The following ADGRF5 variants were observed in gnomAD, a reference collection of about 807,000 sequenced individuals.
The protein encoded by ADGRF5 is G-protein coupled receptor 116.
A neutral mutation model predicts 132.3 loss-of-function variants in ADGRF5; 75 were observed. That is an observed-to-expected ratio of 0.57 (90% CI 0.47 to 0.69). ADGRF5 has a LOEUF of 0.69. ADGRF5 is among the 30% of genes least tolerant of loss of function. The pLI is 0.00. For missense variants in ADGRF5, 1,516 were observed against 1,630.6 expected (o/e 0.93, Z 1.21); for synonymous variants, 629 against 597.6 (o/e 1.05, Z -0.77).
intron 3 of ADGRF5, among the ~76,000 whole-genome samples, chr6:46,891,950 G>A (rs1773688316): frequency 6.6e-6 from 1 of 152,112 alleles, no homozygotes; most frequent in Admixed American, 6.5e-5. Context: ...CCCTCAGCCT[G>A]AGCGTCACCT....
At chr6:46,916,983 C>T (rs1199716040) in intron 1 of ADGRF5, among the ~76,000 whole-genome samples, 1 of 152,218 alleles carries the variant, frequency 6.6e-6, no homozygotes, top group African/African-American at 2.4e-5. Context: ...TTTCTCCTTT[C>T]TGAGCTTTAC....
intron 14 of ADGRF5, chr6:46,863,302 A>C (rs1770009723): frequency 1.5e-6 from 1 of 666,404 alleles, no homozygotes; most frequent in African/African-American, 1.8e-5. Flanking sequence ...GACTTCTGTA[A>C]TCGGAACTTC....
intron 3 of ADGRF5, among the ~76,000 whole-genome samples, chr6:46,896,260 G>T (rs940514088): frequency 5.9e-5 from 9 of 152,162 alleles, no homozygotes; most frequent in African/African-American, 2.2e-4. Flanking sequence ...GACATGACTC[G>T]GGATCTTTCC....
At chr6:46,857,873 A>C (rs73736671) in intron 17 of ADGRF5, among the ~76,000 whole-genome samples, 5,413 of 152,330 alleles carry the variant, frequency 0.036, 98 homozygotes, top group Middle Eastern at 0.044. Flanking sequence ...TCCTTTTACT[A>C]GTGTAATCAG....
Position 46,856,881 on chromosome 6 carries a change from G to A in ADGRF5, c.3802C>T (p.Leu1268Phe), listed in dbSNP as rs1205649436. 1 of 1,609,720 alleles carries A rather than the reference G, an allele frequency of 6.2e-7. No homozygotes were observed. Among genetic ancestry groups the A allele is most frequent in the Non-Finnish European group, 8.5e-7 (1 of 1,177,964 alleles). The change falls in exon 18 of 21, where the codon CTC becomes TTC. Residue 1268 changes from leucine to phenylalanine, a missense_variant. By Grantham distance (22) the Leu-to-Phe change is conservative. Transcript: ENST00000283296. ...QGLFILLFGC[L>F]WDLKVQEALL... ...ATTGCTCTTACCTTCAGATCCCAGA[G>A]GCATCCAAAGAGTAAAATGAATAAT... is the stretch of plus-strand genomic sequence containing the variant.
intron 1 of ADGRF5, among the ~76,000 whole-genome samples, chr6:46,942,926 T>C (rs1234821184): frequency 1.3e-5 from 2 of 152,078 alleles, no homozygotes; most frequent in Non-Finnish European, 2.9e-5. Context: ...TTTGAGTTAT[T>C]GGGTTTAAAA....
At chr6:46,916,688 T>C (rs1263522346) in intron 1 of ADGRF5, among the ~76,000 whole-genome samples, 1 of 152,232 alleles carries the variant, frequency 6.6e-6, no homozygotes, top group Non-Finnish European at 1.5e-5. Context: ...CCCAGAGCAC[T>C]ATTCTTCCTA....
chr6:46,877,243 C>CTTTCTTTCTTTCTTTT (rs1562173938), intron 10 of ADGRF5, among the ~76,000 whole-genome samples: 7 of 29,778 alleles, frequency 2.4e-4, no homozygotes, highest in African/African-American at 1.5e-3. Context: ...TTCTTTCTTT[C>CTTTCTTTCTTTCTTTT]TTTCTTTCTT....
In ADGRF5 at chr6:46,859,520, C is replaced by A. The variant is rs200270176; in HGVS notation, c.2383G>T (p.Val795Leu). 1.3e-6 allele frequency: 2 copies of A among 1,592,928 alleles called. No homozygotes were observed. The highest frequency in any genetic ancestry group is 1.7e-4 in the Middle Eastern group (1 of 5,964). Residue 795 changes from valine (V) to leucine (L), a missense_variant, in exon 17 of 21, where the codon GTG becomes TTG. This residue lies in a region of ADGRF5 where 571 missense variants were observed against 701.2 expected (regional missense o/e 0.81). Transcript: ENST00000283296. ...TQVNSEMMTH[V>L]LSTVNVILGK... is the part of the protein sequence containing the mutation. Reference sequence around the variant, plus strand: ...AGGATGACATTAACCGTAGAGAGCACGTGCTGAAAGTGAAATGGTATGGGG... The same window carrying A: ...AGGATGACATTAACCGTAGAGAGCAAGTGCTGAAAGTGAAATGGTATGGGG...
At chr6:46,953,645 ATATGTG>A (rs1224701709) in intron 1 of ADGRF5, among the ~76,000 whole-genome samples, 15 of 21,400 alleles carry the variant, frequency 7.0e-4, no homozygotes, top group South Asian at 3.3e-3. Flanking sequence ...ATATATAGAT[ATATGTG>A]TATATATATA....
chr6:46,869,403 G>A (rs2150807294), intron 11 of ADGRF5: 1 of 985,284 alleles, frequency 1.0e-6, no homozygotes, highest in Admixed American at 6.1e-5. Context: ...CAAACTTAGG[G>A]GTGTCGCCTT....
chr6:46,865,888 C>A (rs374950508), intron 13 of ADGRF5, among the ~76,000 whole-genome samples: 1 of 152,314 alleles, frequency 6.6e-6, no homozygotes, highest in Non-Finnish European at 1.5e-5. Context: ...TGCCCCACTT[C>A]TTTTTTCTCC....
rs181924005 is a variant in ADGRF5 at position 46,877,536 on chromosome 6, A to G, written c.1240+666T>C. 4.7e-3 allele frequency among the ~76,000 whole-genome samples: 712 copies of G among 151,904 alleles called. 10 individuals are homozygous for G. Among genetic ancestry groups the G allele is most frequent in the African/African-American group, 0.016 (680 of 41,374 alleles). ...ATATTTTTTAAAGGGTTAATCATAA[A>G]CTGTTATACAAAACAGAGTCAGTAT... On this transcript the variant is annotated intron_variant, in intron 10 of 20. Coordinates refer to ENST00000283296, the MANE Select transcript of ADGRF5 (RefSeq NM_001098518.2).
intron 11 of ADGRF5, among the ~76,000 whole-genome samples, chr6:46,871,187 G>A (rs1356629273): frequency 1.3e-5 from 2 of 152,096 alleles, no homozygotes; most frequent in African/African-American, 2.4e-5. Flanking sequence ...TGTAAGACAG[G>A]TGGAAAAACA....
intron 12 of ADGRF5, among the ~76,000 whole-genome samples, chr6:46,867,386 A>G (rs1770570886): frequency 6.6e-6 from 1 of 152,240 alleles, no homozygotes; most frequent in Non-Finnish European, 1.5e-5. Context: ...GGCTTATTCA[A>G]GGCCAAACAG....
intron 1 of ADGRF5, among the ~76,000 whole-genome samples, chr6:46,919,003 T>C (rs1019102849): frequency 6.6e-6 from 1 of 151,468 alleles, no homozygotes; most frequent in African/African-American, 2.4e-5. Context: ...TCAGAGATAG[T>C]GATTCAGTTT....
rs149458418 is a variant in ADGRF5 at position 46,872,008 on chromosome 6, G to C, written c.1246C>G (p.Pro416Ala). The C allele has an allele frequency of 1.4e-3, 2,204 of 1,594,818 alleles. 5 individuals are homozygous for C. Among genetic ancestry groups the C allele is most frequent in the Non-Finnish European group, 1.7e-3 (1,964 of 1,166,202 alleles). The change falls in exon 11 of 21, where the codon CCT becomes GCT. Residue 416 changes from proline (P) to alanine (A), a missense_variant. By Grantham distance (27) the Pro-to-Ala change is conservative. Transcript: ENST00000283296. ...CAGCTAGAATCTATGTCTGTCTCAG[G>C]GGTTCCTATAATGAGAAGCAAATTG... ...QEGKINIPGT[P>A]ETDIDSSCSR...
At chr6:46,949,894 C>T (rs868081609) in intron 1 of ADGRF5, among the ~76,000 whole-genome samples, 36 of 152,268 alleles carry the variant, frequency 2.4e-4, no homozygotes, top group African/African-American at 8.7e-4. Flanking sequence ...TCATTGTTCT[C>T]GTTTCTTTTT....
intron 2 of ADGRF5, among the ~76,000 whole-genome samples, chr6:46,902,367 G>C (rs889833047): frequency 4.6e-5 from 7 of 152,242 alleles, no homozygotes; most frequent in African/African-American, 1.7e-4. Context: ...CCTTTGGGCA[G>C]TTCTCCCAGG....
Sources: gnomAD v4.1 joint callset for allele counts (sites outside exome capture counted in the v4.1 genomes callset) on GRCh38, gnomAD v4.1.1 for gene constraint, gnomAD v4.1.1 regional missense constraint, MANE v1.5 for transcripts, NCBI Gene and HGNC (gene_info 2026-07-23, HGNC 2026-07-21) for gene names.